CACNA1C: variants seen among roughly 807,000 people sequenced by gnomAD.
CACNA1C encodes voltage-dependent L-type calcium channel subunit alpha-1C.
CACNA1C carries 30 observed loss-of-function variants against 229.0 expected under a neutral mutation model. That is an observed-to-expected ratio of 0.13 (90% CI 0.10 to 0.18). CACNA1C has a LOEUF of 0.18. Among genes scored for constraint, CACNA1C ranks in the 10% least tolerant of loss-of-function variants. The probability of loss-of-function intolerance (pLI) is 1.00; values close to 1 mark genes in which losing one functional copy is unlikely to be tolerated. For missense variants in CACNA1C, 1,658 were observed against 2,845.0 expected, an observed-to-expected ratio of 0.58 and a Z score of 9.49; for synonymous variants, 1,114 against 1,132.5, an observed-to-expected ratio of 0.98 and a Z score of 0.33.
chr12:2,307,786 C>A (rs939448070), intron 3 of CACNA1C, among the ~76,000 whole-genome samples: 1 of 152,182 alleles, frequency 6.6e-6, no homozygotes, highest in Non-Finnish European at 1.5e-5. Context: ...CTTAAGCCCA[C>A]TTACATAACA....
In CACNA1C at chr12:2,493,051, T is replaced by A. The variant is rs1212721728; in HGVS notation, c.917-139T>A. 11 of 647,844 alleles carry A rather than the reference T, an allele frequency of 1.7e-5. No individual in the cohort carries two copies. The highest frequency in any genetic ancestry group is 8.7e-5 in the Admixed American group (3 of 34,644). 40.1% of individuals were successfully genotyped at this position (647,844 alleles called of 1,614,324 possible). The stretch of plus-strand genomic sequence containing the variant: ...CACATCTGGGGACCTGATTTAAACA[T>A]GTCTTGCGCTGTTGTTGCCATGGTT... On this transcript the variant is annotated intron_variant, in intron 6 of 46. Coordinates refer to ENST00000399655, the MANE Select transcript of CACNA1C (RefSeq NM_000719.7). This position sits in a 1 kb window ranked among gnomAD's most constrained non-coding sequence, Gnocchi z 4.6.
At chr12:2,090,810 C>T (rs1032575517) in intron 1 of CACNA1C, among the ~76,000 whole-genome samples, 28 of 152,158 alleles carry the variant, frequency 1.8e-4, no homozygotes, top group Admixed American at 6.5e-4. Context: ...TCTGAGGAAT[C>T]GCCATACAGT....
At chr12:2,450,326 G>C (rs577141686) in intron 4 of CACNA1C, among the ~76,000 whole-genome samples, 5 of 151,968 alleles carry the variant, frequency 3.3e-5, no homozygotes, top group African/African-American at 7.3e-5. Context: ...AGGCCAAGGC[G>C]GGCGGATCAC....
chr12:2,307,995 A>G (rs561426432), intron 3 of CACNA1C, among the ~76,000 whole-genome samples: 5 of 152,362 alleles, frequency 3.3e-5, no homozygotes, highest in Middle Eastern at 6.8e-3. Context: ...CATTTTAACC[A>G]GCACACCCTC....
intron 3 of CACNA1C, among the ~76,000 whole-genome samples, chr12:2,431,688 T>A (rs1234418524): frequency 6.6e-6 from 1 of 152,196 alleles, no homozygotes; most frequent in Admixed American, 6.5e-5. Flanking sequence ...GGACCTGGCA[T>A]GCAGCAAGAA....
Position 2,370,292 on chromosome 12 carries a change from G to A in CACNA1C, c.478-78684G>A, listed in dbSNP as rs562743337. Among the ~76,000 whole-genome samples, 10 of 152,254 alleles carry A rather than the reference G, an allele frequency of 6.6e-5. No homozygotes were observed. In the East Asian group the frequency reaches 1.5e-3, roughly 23 times the overall value. On this transcript the variant is annotated intron_variant, in intron 3 of 46. Coordinates refer to ENST00000399655, the MANE Select transcript of CACNA1C (RefSeq NM_000719.7). ...TTATAACCTTTCTGGAAACAATTTA[G>A]CAATGCATATCAAGGTCTTTGAAAT...
At chr12:2,474,839 T>C (rs1307424052) in intron 5 of CACNA1C, among the ~76,000 whole-genome samples, 2 of 151,710 alleles carry the variant, frequency 1.3e-5, no homozygotes, top group African/African-American at 2.4e-5. Flanking sequence ...GTTGAGATGA[T>C]TCAGATCAAC....
chr12:2,128,584 T>G (rs1182792099), intron 3 of CACNA1C, among the ~76,000 whole-genome samples: 1 of 152,124 alleles, frequency 6.6e-6, no homozygotes, highest in Non-Finnish European at 1.5e-5. Context: ...CTAATTTTTT[T>G]GTATTTTTAG....
At chr12:2,500,344 G>A (rs867155533) in intron 7 of CACNA1C, among the ~76,000 whole-genome samples, 9 of 152,286 alleles carry the variant, frequency 5.9e-5, no homozygotes, top group South Asian at 2.1e-4. Flanking sequence ...TGTGTGTGGC[G>A]CAGAAGAAAG....
At chr12:2,664,312 G>A (rs2095950438) in intron 34 of CACNA1C, among the ~76,000 whole-genome samples, 1 of 152,120 alleles carries the variant, frequency 6.6e-6, no homozygotes. Flanking sequence ...ACAAATCCTT[G>A]GAGGTCATGG....
intron 19 of CACNA1C, 35 bp downstream of exon 19, chr12:2,593,380 T>C (rs1317882363): frequency 6.2e-7 from 1 of 1,611,094 alleles, no homozygotes; most frequent in Admixed American, 1.7e-5. Context: ...GGGGTCCTGC[T>C]CTCTCTAGTA....
At chr12:2,254,844 A>G (rs182044656) in intron 3 of CACNA1C, among the ~76,000 whole-genome samples, 2 of 152,296 alleles carry the variant, frequency 1.3e-5, no homozygotes, top group East Asian at 3.9e-4. Flanking sequence ...CACTGCCAAG[A>G]AAAAGATCTT....
rs542364786 is a variant in CACNA1C, at chr12:2,207,095, G to A, written c.477+86665G>A. Among the ~76,000 whole-genome samples, 5 of 152,234 alleles carry A rather than the reference G, an allele frequency of 3.3e-5. No homozygotes were observed. The East Asian group carries it at 9.7e-4, about 29-fold the overall frequency. ...GGGACTTGCTTTGGGGATGTGTCTG[G>A]GCCCCAGGACCACATTCGAGGAGCA... On this transcript the variant is annotated intron_variant, in intron 3 of 46. Coordinates refer to ENST00000399655, the MANE Select transcript of CACNA1C (RefSeq NM_000719.7).
chr12:2,564,906 C>G (rs2154593175), intron 11 of CACNA1C, among the ~76,000 whole-genome samples: 1 of 152,216 alleles, frequency 6.6e-6, no homozygotes, highest in South Asian at 2.1e-4. Context: ...CTGATCATGT[C>G]CTTTCCCCCT....
At position 2,479,402 on chromosome 12, in the gene CACNA1C, A is replaced by C. The variant is rs2099654923; in HGVS notation, c.758-6702A>C. ...GGCCTTGAACACCTGTCTTAAGAGA[A>C]ATCTATTTCTTTCAGATGACATCCA... On this transcript the variant is annotated intron_variant, in intron 5 of 46. Coordinates refer to ENST00000399655, the MANE Select transcript of CACNA1C (RefSeq NM_000719.7). The surrounding 1 kb of genome is among the most constrained non-coding windows in gnomAD (Gnocchi z 4.3). Among the ~76,000 whole-genome samples, 1 of 152,048 alleles carries C rather than the reference A, an allele frequency of 6.6e-6. No homozygotes were observed. Among genetic ancestry groups the C allele is most frequent in the African/African-American group, 2.4e-5 (1 of 41,382 alleles).
intron 3 of CACNA1C, among the ~76,000 whole-genome samples, chr12:2,257,990 C>T (rs1257257954): frequency 6.6e-6 from 1 of 152,230 alleles, no homozygotes; most frequent in African/African-American, 2.4e-5. Flanking sequence ...GCCTTCAGCA[C>T]GTGCACTCCC....
chr12:2,609,932 T>C (rs1241355207), intron 27 of CACNA1C, among the ~76,000 whole-genome samples: 1 of 152,162 alleles, frequency 6.6e-6, no homozygotes, highest in Non-Finnish European at 1.5e-5. Context: ...GAGACCAGCC[T>C]GGCCAACATG....
chr12:2,427,714 C>T (rs1261009625), intron 3 of CACNA1C, among the ~76,000 whole-genome samples: 4 of 152,080 alleles, frequency 2.6e-5, no homozygotes, highest in Non-Finnish European at 4.4e-5. Context: ...CTCCGCCTCC[C>T]GGGTTGAAGT....
chr12:2,580,013 C>T (rs892441117), intron 13 of CACNA1C, among the ~76,000 whole-genome samples: 48 of 152,284 alleles, frequency 3.2e-4, no homozygotes, highest in Middle Eastern at 3.4e-3. Context: ...ATCACTACAG[C>T]CTCTAGCCTG....
Sources: gnomAD v4.1 joint callset for allele counts (sites outside exome capture counted in the v4.1 genomes callset) on GRCh38, gnomAD v4.1.1 for gene constraint, Gnocchi (gnomAD v3.1) non-coding constraint, MANE v1.5 for transcripts, NCBI Gene and HGNC (gene_info 2026-07-23, HGNC 2026-07-21) for gene names.